RTTN: variants seen among roughly 807,000 people sequenced by gnomAD.
The protein encoded by RTTN is rotatin.
In RTTN, 182 loss-of-function variants were observed where a neutral mutation model predicts 269.2. The ratio of observed to expected loss-of-function variants is 0.68; its 90% confidence interval spans 0.60 to 0.76. RTTN has a LOEUF of 0.76. Ranked by LOEUF, RTTN falls within the 30% of genes least tolerant of loss-of-function variation. The pLI is 0.00. For missense variants in RTTN, 2,545 were observed against 2,608.6 expected, an observed-to-expected ratio of 0.98 and a Z score of 0.53; for synonymous variants, 1,006 against 963.5, an observed-to-expected ratio of 1.04 and a Z score of -0.82.
chr18:70,065,740 G>T, intron 35 of RTTN, 89 bp downstream of exon 35: 2 of 738,824 alleles, frequency 2.7e-6, no homozygotes, highest in South Asian at 2.7e-5. Context: ...TTAAAATTTT[G>T]TTCTTTAGAC....
At chr18:70,066,494 T>A (rs1252354587) in intron 34 of RTTN, among the ~76,000 whole-genome samples, 1 of 152,232 alleles carries the variant, frequency 6.6e-6, no homozygotes, top group Admixed American at 6.5e-5. Flanking sequence ...TACAGGTTTA[T>A]AATGAGCAGA....
chr18:70,029,041 A>T (rs2056933609), intron 42 of RTTN, among the ~76,000 whole-genome samples: 1 of 152,106 alleles, frequency 6.6e-6, no homozygotes. Context: ...GAACTCGGAT[A>T]TATGATAGCC....
chr18:70,018,915 C>A (rs1258323082), intron 45 of RTTN, among the ~76,000 whole-genome samples: 1 of 142,068 alleles, frequency 7.0e-6, no homozygotes, highest in Non-Finnish European at 1.5e-5. Flanking sequence ...GAGATGTATA[C>A]CATGGTAGAA....
intron 7 of RTTN, chr18:70,194,251 C>T (rs994352490): frequency 6.6e-6 from 1 of 152,138 alleles, no homozygotes; most frequent in African/African-American, 2.4e-5. Context: ...TGAGATACCA[C>T]TTCACATCTA....
At chr18:70,077,769 C>T (rs1229902907) in intron 32 of RTTN, among the ~76,000 whole-genome samples, 1 of 151,730 alleles carries the variant, frequency 6.6e-6, no homozygotes, top group African/African-American at 2.4e-5. Flanking sequence ...AGTTTAGAAT[C>T]TGTTCTATTT....
At chr18:70,191,335 G>T (rs2061667216) in intron 8 of RTTN, among the ~76,000 whole-genome samples, 1 of 152,116 alleles carries the variant, frequency 6.6e-6, no homozygotes, top group African/African-American at 2.4e-5. Context: ...TTTCCAAAAG[G>T]AAATAAGCAG....
intron 28 of RTTN, among the ~76,000 whole-genome samples, chr18:70,101,672 G>A (rs1244447623): frequency 6.6e-6 from 1 of 152,056 alleles, no homozygotes; most frequent in Non-Finnish European, 1.5e-5. Flanking sequence ...TGATGTTAGG[G>A]TGTCAATTTT....
At chr18:70,064,097 G>A (rs2058067041) in intron 35 of RTTN, among the ~76,000 whole-genome samples, 1 of 151,130 alleles carries the variant, frequency 6.6e-6, no homozygotes, top group African/African-American at 2.4e-5. Flanking sequence ...CAGCACTTTG[G>A]GAGGCCAAGG....
intron 6 of RTTN, 86 bp from the exon 7 acceptor site, chr18:70,196,734 T>G (rs775790930): frequency 2.3e-5 from 30 of 1,282,538 alleles, no homozygotes; most frequent in Non-Finnish European, 3.1e-5. Context: ...TAAGTAAGCC[T>G]AAGTGAATAA....
chr18:70,029,744 T>C (rs2056958265), intron 42 of RTTN, among the ~76,000 whole-genome samples: 1 of 152,222 alleles, frequency 6.6e-6, no homozygotes, highest in African/African-American at 2.4e-5. Flanking sequence ...ATAAAAAATT[T>C]ATCTGGCATA....
At chr18:70,193,246 A>G in intron 8 of RTTN, 42 bp downstream of exon 8, 1 of 1,539,762 alleles carries the variant, frequency 6.5e-7, no homozygotes, top group Non-Finnish European at 8.8e-7. Flanking sequence ...ACACAAGTTA[A>G]CCGGCATTTC....
chr18:70,202,097 A>T (rs995871591), intron 3 of RTTN, 114 bp from the exon 4 acceptor site: 103 of 599,196 alleles, frequency 1.7e-4, no homozygotes, highest in Admixed American at 3.4e-4. Context: ...TTTAAAAATT[A>T]AAAAAAAGTC....
chr18:70,092,090 T>C lies in RTTN; in HGVS notation c.4143+20A>G. ...TTTTTTAATCTAAACACAATACACT[T>C]GATTCTCCTTCACACTCACCTCTGG... is the stretch of plus-strand genomic sequence containing the variant. On this transcript the variant is annotated intron_variant, in intron 30 of 48. Coordinates refer to ENST00000640769, the MANE Select transcript of RTTN (RefSeq NM_173630.4). 6.7e-7 allele frequency: 1 copy of C among 1,502,900 alleles called. No individual in the cohort carries two copies. Among genetic ancestry groups the C allele is most frequent in the South Asian group, 1.1e-5 (1 of 88,334 alleles). 93.1% of individuals were successfully genotyped at this position (1,502,900 alleles called of 1,614,324 possible).
At chr18:70,134,023 T>G (rs1383477660) in intron 23 of RTTN, among the ~76,000 whole-genome samples, 1 of 152,138 alleles carries the variant, frequency 6.6e-6, no homozygotes, top group Non-Finnish European at 1.5e-5. Flanking sequence ...TCTTGTTAGA[T>G]GGGATCATAT....
intron 38 of RTTN, among the ~76,000 whole-genome samples, chr18:70,051,886 T>C (rs1333350849): frequency 6.6e-6 from 1 of 152,188 alleles, no homozygotes; most frequent in Non-Finnish European, 1.5e-5. Context: ...TAAAAATATG[T>C]CATTGTTTGT....
intron 44 of RTTN, among the ~76,000 whole-genome samples, chr18:70,023,152 G>A (rs1025994024): frequency 1.1e-4 from 16 of 152,088 alleles, no homozygotes; most frequent in African/African-American, 3.6e-4. Context: ...TAAGTAGCAA[G>A]GAATTGAGGC....
chr18:70,082,836 T>G (rs530612677), intron 32 of RTTN, among the ~76,000 whole-genome samples: 10 of 152,030 alleles, frequency 6.6e-5, no homozygotes, highest in Admixed American at 5.2e-4. Context: ...GGACTACAGG[T>G]GCATGCCACC....
chr18:70,008,179 A>C (rs2056255100), intron 46 of RTTN: 1 of 152,304 alleles, frequency 6.6e-6, no homozygotes, highest in Non-Finnish European at 1.5e-5. Context: ...GTTAGGAAGA[A>C]AACTAACAAA....
chr18:70,017,323 A>G, intron 46 of RTTN, 84 bp downstream of exon 46: 1 of 1,320,290 alleles, frequency 7.6e-7, no homozygotes, highest in Non-Finnish European at 1.0e-6. Context: ...ATGCCTAGAA[A>G]ATTATTTATA....
Sources: allele counts gnomAD v4.1 joint callset (sites outside exome capture counted in the v4.1 genomes callset), GRCh38; gene constraint gnomAD v4.1.1; transcripts MANE v1.5; gene names NCBI Gene and HGNC (gene_info 2026-07-23, HGNC 2026-07-21).